Variants in LCLAT1 observed in about 807,000 individuals in gnomAD.
LCLAT1 encodes 1-AGP acyltransferase 8.
A neutral mutation model predicts 30.7 loss-of-function variants in LCLAT1; 11 were observed. The observed-to-expected ratio is 0.36, with a 90% confidence interval of 0.23 to 0.59. LCLAT1 has a LOEUF of 0.59. Ranked by LOEUF, LCLAT1 falls within the 20% of genes least tolerant of loss-of-function variation. The pLI, the probability that LCLAT1 is intolerant of heterozygous loss-of-function variation, is 0.77. For synonymous variants in LCLAT1, 155 were observed against 151.3 expected, an observed-to-expected ratio of 1.02 and a Z score of -0.18; for missense variants, 402 against 458.6, an observed-to-expected ratio of 0.88 and a Z score of 1.13.
chr2:30,588,232 A>G (rs1666527251), intron 5 of LCLAT1, among the ~76,000 whole-genome samples: 1 of 152,234 alleles, frequency 6.6e-6, no homozygotes, highest in Non-Finnish European at 1.5e-5. Context: ...TCTGTCCTGA[A>G]GGAGATCCCT....
At chr2:30,477,782 A>G (rs1042066112) in intron 1 of LCLAT1, among the ~76,000 whole-genome samples, 17 of 152,230 alleles carry the variant, frequency 1.1e-4, no homozygotes, top group African/African-American at 3.6e-4. Context: ...AAGTCTAGAA[A>G]GATTGAGCAG....
chr2:30,478,687 A>AGGTAGG (rs1553357934), intron 1 of LCLAT1, among the ~76,000 whole-genome samples: 9,945 of 132,576 alleles, frequency 0.075, 522 homozygotes, highest in African/African-American at 0.16. Flanking sequence ...AAATAGATAG[A>AGGTAGG]TAGGTAGGTA....
intron 5 of LCLAT1, among the ~76,000 whole-genome samples, chr2:30,569,091 T>C (rs1665653847): frequency 6.6e-6 from 1 of 152,176 alleles, no homozygotes; most frequent in South Asian, 2.1e-4. Context: ...TAAATAGAAC[T>C]GGCATCCAGT....
rs116744450 is a variant in LCLAT1, at chr2:30,572,360, G to A, written c.628+4184G>A. On this transcript the variant is annotated intron_variant, in intron 5 of 5. Transcript: ENST00000379509. ...ATGTACCAGGTATTGAGTTGTGCACGTTTCTTTACCTTGCCCATGCAGTAG... is the reference window on the plus strand; with the variant it reads ...ATGTACCAGGTATTGAGTTGTGCACATTTCTTTACCTTGCCCATGCAGTAG... 6.6e-3 allele frequency among the ~76,000 whole-genome samples: 1,010 copies of A among 152,292 alleles called. 10 individuals are homozygous for A. The highest frequency in any genetic ancestry group is 0.023 in the African/African-American group (959 of 41,562).
chr2:30,625,057 G>A (rs1244066537), intron 5 of LCLAT1, among the ~76,000 whole-genome samples: 2 of 152,126 alleles, frequency 1.3e-5, no homozygotes, highest in Non-Finnish European at 2.9e-5. Context: ...AATGATAATA[G>A]TGATAGAACC....
intron 1 of LCLAT1, among the ~76,000 whole-genome samples, chr2:30,513,625 C>T (rs1483649729): frequency 6.6e-6 from 1 of 152,116 alleles, no homozygotes; most frequent in African/African-American, 2.4e-5. Flanking sequence ...TATCTTGGGC[C>T]CCCCAAATCA....
chr2:30,559,200 A>AT (rs1001672785), intron 3 of LCLAT1, among the ~76,000 whole-genome samples: 2 of 152,214 alleles, frequency 1.3e-5, no homozygotes, highest in African/African-American at 2.4e-5. Context: ...ATTGACTGGA[A>AT]ATAGGACACA....
chr2:30,629,297 C>T (rs543424205), intron 5 of LCLAT1, among the ~76,000 whole-genome samples: 3 of 152,142 alleles, frequency 2.0e-5, no homozygotes, highest in Non-Finnish European at 4.4e-5. Flanking sequence ...TGGTGGCTCA[C>T]CCCTGTAATC....
At chr2:30,505,610 C>T (rs964983481) in intron 1 of LCLAT1, among the ~76,000 whole-genome samples, 2 of 151,798 alleles carry the variant, frequency 1.3e-5, no homozygotes. Flanking sequence ...GTGAATGCAC[C>T]CTGTGTAACC....
chr2:30,531,675 C>T (rs1196422095), intron 2 of LCLAT1, among the ~76,000 whole-genome samples: 1 of 152,152 alleles, frequency 6.6e-6, no homozygotes, highest in Admixed American at 6.5e-5. Context: ...GATGTTAACA[C>T]TTTGACTCTG....
At chr2:30,514,831 GTA>G (rs1685106948) in intron 1 of LCLAT1, among the ~76,000 whole-genome samples, 1 of 152,144 alleles carries the variant, frequency 6.6e-6, no homozygotes, top group African/African-American at 2.4e-5. Context: ...AAATCAATCT[GTA>G]TACTGATTGA....
intron 1 of LCLAT1, among the ~76,000 whole-genome samples, chr2:30,481,911 G>C (rs1558466312): frequency 6.6e-6 from 1 of 152,162 alleles, no homozygotes; most frequent in Non-Finnish European, 1.5e-5. Context: ...ATTGGCCTTT[G>C]ACTTCCAATA....
At chr2:30,585,265 C>A (rs938870107) in intron 5 of LCLAT1, among the ~76,000 whole-genome samples, 2 of 150,508 alleles carry the variant, frequency 1.3e-5, no homozygotes, top group Non-Finnish European at 2.9e-5. Flanking sequence ...TATCCATCCT[C>A]GGTAAAAAAA....
At chr2:30,565,164 G>A (rs1479427263) in intron 4 of LCLAT1, among the ~76,000 whole-genome samples, 1 of 152,148 alleles carries the variant, frequency 6.6e-6, no homozygotes, top group Non-Finnish European at 1.5e-5. Context: ...GAAAGAGGTT[G>A]AGATTTATTT....
At chr2:30,571,114 G>C (rs565508504) in intron 5 of LCLAT1, among the ~76,000 whole-genome samples, 14 of 152,284 alleles carry the variant, frequency 9.2e-5, no homozygotes, top group African/African-American at 2.9e-4. Context: ...TTCAAAGAAA[G>C]CAGTTTATAT....
intron 3 of LCLAT1, among the ~76,000 whole-genome samples, chr2:30,552,030 G>T (rs1267095989): frequency 6.6e-6 from 1 of 152,122 alleles, no homozygotes; most frequent in Non-Finnish European, 1.5e-5. Context: ...ATTAAGATGT[G>T]GACATCTTTT....
chr2:30,631,223 T>G (rs1026159924), intron 5 of LCLAT1, among the ~76,000 whole-genome samples: 2 of 152,196 alleles, frequency 1.3e-5, no homozygotes, highest in Non-Finnish European at 2.9e-5. Context: ...GTGGTTTTCT[T>G]GTGGCTTTCT....
At chr2:30,538,202 C>T (rs112245310) in intron 3 of LCLAT1, among the ~76,000 whole-genome samples, 79 of 151,868 alleles carry the variant, frequency 5.2e-4, no homozygotes, top group African/African-American at 1.1e-3. Flanking sequence ...TGAAAATTAG[C>T]AAAAGGAAAG....
intron 1 of LCLAT1, among the ~76,000 whole-genome samples, chr2:30,501,319 C>T (rs61673007): frequency 4.6e-5 from 7 of 152,194 alleles, no homozygotes; most frequent in African/African-American, 1.4e-4. Context: ...TAACAAATGC[C>T]TCTGTTTTAT....
Sources: allele counts gnomAD v4.1 joint callset (sites outside exome capture counted in the v4.1 genomes callset), GRCh38; gene constraint gnomAD v4.1.1; transcripts MANE v1.5; gene names NCBI Gene and HGNC (gene_info 2026-07-23, HGNC 2026-07-21).